NALF1: variants seen among roughly 807,000 people sequenced by gnomAD.
NALF1 encodes NALCN channel auxiliary factor 1.
Under a neutral mutation model 48.4 loss-of-function variants are expected in NALF1, and 3 were observed. That is an observed-to-expected ratio of 0.06 (90% CI 0.03 to 0.16). The LOEUF (loss-of-function observed/expected upper bound fraction) is 0.16, where lower values mean the gene tolerates loss of function less well. NALF1 is among the 10% of genes least tolerant of loss of function. The pLI, the probability that NALF1 is intolerant of heterozygous loss-of-function variation, is 1.00. For synonymous variants in NALF1, 262 were observed against 245.7 expected (o/e 1.07, Z -0.62); for missense variants, 526 against 571.5 (o/e 0.92, Z 0.81).
intron 1 of NALF1, among the ~76,000 whole-genome samples, chr13:107,488,435 T>C (rs1404639799): frequency 1.3e-5 from 2 of 152,090 alleles, no homozygotes; most frequent in Admixed American, 6.6e-5. Flanking sequence ...CCCTTAATAC[T>C]GTCTTAGTTG....
At chr13:107,811,456 T>C (rs1878988816) in intron 1 of NALF1, among the ~76,000 whole-genome samples, 1 of 152,210 alleles carries the variant, frequency 6.6e-6, no homozygotes, top group Non-Finnish European at 1.5e-5. Context: ...TTCTATATCT[T>C]ACATTGATTG....
chr13:107,504,308 G>T (rs916403288), intron 1 of NALF1, among the ~76,000 whole-genome samples: 1 of 151,576 alleles, frequency 6.6e-6, no homozygotes, highest in Non-Finnish European at 1.5e-5. Context: ...AGTAGGGGAG[G>T]AAATGGAAAG....
At chr13:107,189,370 A>G (rs989363095) in intron 2 of NALF1, among the ~76,000 whole-genome samples, 1 of 152,216 alleles carries the variant, frequency 6.6e-6, no homozygotes, top group Non-Finnish European at 1.5e-5. Flanking sequence ...CTAAGAAAAC[A>G]GAGAAGAAAA....
Position 107,168,839 on chromosome 13 carries a change from A to ATAAC in NALF1, c.*1654_*1657dup, listed in dbSNP as rs759448659. The ATAAC allele has an allele frequency of 6.6e-6, 1 of 152,652 alleles. No individual in the cohort carries two copies. The highest frequency in any genetic ancestry group is 1.5e-5 in the Non-Finnish European group (1 of 68,034). The allele number at this position is 152,652 out of a possible 1,614,324, so 9.5% of individuals were successfully genotyped here. ...GGGAAATTTCATAGCTATAAAGTTAATAACTAAATTTTGTTCACTAAGAGG... is the reference window on the plus strand; with the variant it reads ...GGGAAATTTCATAGCTATAAAGTTAATAACTAACTAAATTTTGTTCACTAAGAGG... On this transcript the variant is annotated 3_prime_UTR_variant, in exon 3 of 3. Coordinates refer to ENST00000375915, the MANE Select transcript of NALF1 (RefSeq NM_001080396.3).
intron 1 of NALF1, among the ~76,000 whole-genome samples, chr13:107,456,347 T>C (rs1362586371): frequency 6.6e-6 from 1 of 152,214 alleles, no homozygotes; most frequent in Non-Finnish European, 1.5e-5. Flanking sequence ...GCCCATGACA[T>C]TTATAATTAA....
intron 1 of NALF1, among the ~76,000 whole-genome samples, chr13:107,487,164 T>G (rs1378056133): frequency 6.6e-6 from 1 of 152,174 alleles, no homozygotes; most frequent in Non-Finnish European, 1.5e-5. Flanking sequence ...CATGACATGT[T>G]TGCCACAACA....
At chr13:107,817,823 A>G (rs968558228) in intron 1 of NALF1, among the ~76,000 whole-genome samples, 1 of 147,516 alleles carries the variant, frequency 6.8e-6, no homozygotes, top group Admixed American at 7.0e-5. Flanking sequence ...CCTCCTCAGC[A>G]CACCATCCCT....
chr13:107,602,485 A>G (rs570316465), intron 1 of NALF1, among the ~76,000 whole-genome samples: 1 of 152,288 alleles, frequency 6.6e-6, no homozygotes, highest in Non-Finnish European at 1.5e-5. Flanking sequence ...GGATAACGTA[A>G]AGTTGTTTCT....
rs373243675 is a variant in NALF1 at position 107,493,790 on chromosome 13, G to A, written c.916-283035C>T. Among the ~76,000 whole-genome samples, 435 of 152,260 alleles carry A rather than the reference G, an allele frequency of 2.9e-3. 2 individuals carry two copies. The highest frequency in any genetic ancestry group is 9.9e-3 in the African/African-American group (412 of 41,550). ...TGCAGTTCCAGCTACTCAGGAGGCCGAGGTGAGAGGATGGCTTGAGCCCCA... is the reference window on the plus strand; with the variant it reads ...TGCAGTTCCAGCTACTCAGGAGGCCAAGGTGAGAGGATGGCTTGAGCCCCA... On this transcript the variant is annotated intron_variant, in intron 1 of 2. Coordinates refer to ENST00000375915, the MANE Select transcript of NALF1 (RefSeq NM_001080396.3).
chr13:107,437,827 C>A lies in NALF1; in HGVS notation c.916-227072G>T, dbSNP rs145147631. Among the ~76,000 whole-genome samples the A allele has an allele frequency of 3.2e-3, 480 of 152,128 alleles. 2 individuals are homozygous for A. The highest frequency in any genetic ancestry group is 5.0e-3 in the Non-Finnish European group (339 of 67,992). ...ACAGTATTAACTTAAGATTTGTGCA[C>A]CACTTCATTTAATATACATTTTACC... On this transcript the variant is annotated intron_variant, in intron 1 of 2. Coordinates refer to ENST00000375915, the MANE Select transcript of NALF1 (RefSeq NM_001080396.3).
At chr13:107,470,644 C>A (rs77437346) in intron 1 of NALF1, among the ~76,000 whole-genome samples, 9 of 152,164 alleles carry the variant, frequency 5.9e-5, no homozygotes, top group Non-Finnish European at 1.3e-4. Context: ...GCTGGAAAAA[C>A]CAAAGTGTCC....
chr13:107,185,599 T>A (rs897591471), intron 2 of NALF1, among the ~76,000 whole-genome samples: 2 of 152,148 alleles, frequency 1.3e-5, no homozygotes, highest in Non-Finnish European at 2.9e-5. Flanking sequence ...TGAGGTCCTA[T>A]GTTGCCCTCT....
At position 107,164,338 on chromosome 13, in the gene NALF1, T is replaced by G. The variant is rs918746489; in HGVS notation, c.*6159A>C. 30 of 152,136 alleles carry G rather than the reference T, an allele frequency of 2.0e-4. No homozygotes were observed. Among genetic ancestry groups the G allele is most frequent in the African/African-American group, 7.2e-4 (30 of 41,426 alleles). 9.4% of individuals were successfully genotyped at this position (152,136 alleles called of 1,614,324 possible). ...TCAAAAACTGAACAGGTTTTCTAAC[T>G]TTTTCACTGTTATTTCATTCTATAA... On this transcript the variant is annotated 3_prime_UTR_variant, in exon 3 of 3. Coordinates refer to ENST00000375915, the MANE Select transcript of NALF1 (RefSeq NM_001080396.3).
chr13:107,634,062 G>A (rs1413932199), intron 1 of NALF1, among the ~76,000 whole-genome samples: 3 of 151,872 alleles, frequency 2.0e-5, no homozygotes, highest in African/African-American at 7.3e-5. Context: ...CAAGATACAT[G>A]TATCACGAAT....
chr13:107,239,268 C>A (rs1280171880), intron 1 of NALF1, among the ~76,000 whole-genome samples: 1 of 152,186 alleles, frequency 6.6e-6, no homozygotes, highest in East Asian at 1.9e-4. Context: ...AGGCCATGCT[C>A]TCTCCAAGGC....
At chr13:107,473,658 A>C (rs1885134385) in intron 1 of NALF1, among the ~76,000 whole-genome samples, 1 of 152,204 alleles carries the variant, frequency 6.6e-6, no homozygotes. Flanking sequence ...TAGTAGTAGA[A>C]TTACAGAAGC....
chr13:107,203,940 GGGCAGAGGGA>G (rs1425173049), intron 2 of NALF1, among the ~76,000 whole-genome samples: 1 of 152,246 alleles, frequency 6.6e-6, no homozygotes, highest in Non-Finnish European at 1.5e-5. Context: ...AGGCAGAGGG[GGGCAGAGGGA>G]GGCAGAGCTC....
chr13:107,269,791 A>G (rs983574557), intron 1 of NALF1, among the ~76,000 whole-genome samples: 17 of 151,690 alleles, frequency 1.1e-4, no homozygotes, highest in Non-Finnish European at 2.1e-4. Context: ...CTGTTTTATT[A>G]TATAAGGAAG....
intron 1 of NALF1, among the ~76,000 whole-genome samples, chr13:107,609,976 G>A (rs1324671311): frequency 6.6e-6 from 1 of 152,162 alleles, no homozygotes; most frequent in African/African-American, 2.4e-5. Context: ...AAATAGCAAA[G>A]AGAATATAGA....
Sources: gnomAD v4.1 joint callset for allele counts (sites outside exome capture counted in the v4.1 genomes callset) on GRCh38, gnomAD v4.1.1 for gene constraint, MANE v1.5 for transcripts, NCBI Gene and HGNC (gene_info 2026-07-23, HGNC 2026-07-21) for gene names.